MYO5B: variants seen among roughly 807,000 people sequenced by gnomAD.
The protein encoded by MYO5B is myosin VB.
In MYO5B, 143 loss-of-function variants were observed where a neutral mutation model predicts 229.3. The observed-to-expected ratio is 0.62, with a 90% CI of 0.54 to 0.72. The LOEUF (loss-of-function observed/expected upper bound fraction) is 0.72, where lower values mean the gene tolerates loss of function less well. Ranked by LOEUF, MYO5B falls within the 30% of genes least tolerant of loss-of-function variation. The pLI is 0.00. For missense variants in MYO5B, 2,321 were observed against 2,331.0 expected, an observed-to-expected ratio of 1.00 and a Z score of 0.09; for synonymous variants, 918 against 885.2, an observed-to-expected ratio of 1.04 and a Z score of -0.66.
In MYO5B at chr18:49,954,299, G is replaced by T; in HGVS notation, c.1668+14C>A. ...GGCCAAGGGAATACCCGAGCCAACA[G>T]AGAGGAGAGCCACCTTGTCTGCAAA... On this transcript the variant is annotated intron_variant, in intron 13 of 39. Transcript: ENST00000285039. 1.2e-6 allele frequency: 2 copies of T among 1,613,792 alleles called. No individual in the cohort carries two copies. The highest frequency in any genetic ancestry group is 1.7e-6 in the Non-Finnish European group (2 of 1,179,814).
chr18:49,844,255 G>A (rs772175990), intron 33 of MYO5B, among the ~76,000 whole-genome samples: 1 of 152,228 alleles, frequency 6.6e-6, no homozygotes, highest in Non-Finnish European at 1.5e-5. Context: ...AAGGCAACAG[G>A]TGGTGGTAGA....
At chr18:50,007,616 G>T (rs1325625517) in intron 4 of MYO5B, among the ~76,000 whole-genome samples, 1 of 152,174 alleles carries the variant, frequency 6.6e-6, no homozygotes, top group Non-Finnish European at 1.5e-5. Flanking sequence ...CTCTTCTACT[G>T]GATATGTTCA....
chr18:50,195,018 A>T lies in MYO5B; in HGVS notation c.-225T>A, dbSNP rs1382054749. 1 of 475,590 alleles carries T rather than the reference A, an allele frequency of 2.1e-6. No homozygotes were observed. The highest frequency in any genetic ancestry group is 3.2e-6 in the Non-Finnish European group (1 of 311,900). 29.5% of individuals were successfully genotyped at this position (475,590 alleles called of 1,614,324 possible). A position where few individuals can be genotyped will look rare whatever the true frequency, so the allele number is the denominator to read the frequency against. On this transcript the variant is annotated 5_prime_UTR_variant, in exon 1 of 40. Transcript: ENST00000285039. ...GGCGGCGCAGCTACGGCCGGACAGG[A>T]GTTGCGAGCGCCGGGGGAGGAGGCC...
At chr18:50,121,098 TC>T (rs2032051946) in intron 1 of MYO5B, among the ~76,000 whole-genome samples, 1 of 152,170 alleles carries the variant, frequency 6.6e-6, no homozygotes, top group East Asian at 1.9e-4. Context: ...TGTTTCTCAG[TC>T]CTCGAGGCCT....
Position 49,824,526 on chromosome 18 carries a change from T to A in MYO5B, c.*1945A>T, listed in dbSNP as rs1241430383. On this transcript the variant is annotated 3_prime_UTR_variant, in exon 40 of 40. Coordinates refer to ENST00000285039, the MANE Select transcript of MYO5B (RefSeq NM_001080467.3). ...ACAGTGTATAAGGATAGTAAGCCAC[T>A]GTGTTTGTGGAACCACTGCATGTCA... 1 of 152,440 alleles carries A rather than the reference T, an allele frequency of 6.6e-6. No homozygotes were observed. Among genetic ancestry groups the A allele is most frequent in the Non-Finnish European group, 1.5e-5 (1 of 68,060 alleles). 9.4% of individuals were successfully genotyped at this position (152,440 alleles called of 1,614,324 possible).
At chr18:50,124,040 T>A (rs1255684605) in intron 1 of MYO5B, among the ~76,000 whole-genome samples, 2 of 152,240 alleles carry the variant, frequency 1.3e-5, no homozygotes, top group South Asian at 4.1e-4. Context: ...ATTTCCACCA[T>A]GGGCACATTA....
rs186619298 is a variant in MYO5B, at chr18:49,972,883, G to A, written c.1322+1467C>T. ...ATGCCTCTTCTCACCTCCCACTCTC[G>A]GTGATTCTCCACTGTGTGCTCCTTA... On this transcript the variant is annotated intron_variant, in intron 10 of 39. Coordinates refer to ENST00000285039, the MANE Select transcript of MYO5B (RefSeq NM_001080467.3). Among the ~76,000 whole-genome samples, 23 of 152,060 alleles carry A rather than the reference G, an allele frequency of 1.5e-4. 1 individual carries two copies. Among genetic ancestry groups the A allele is most frequent in the South Asian group, 4.2e-4 (2 of 4,770 alleles).
In MYO5B at chr18:50,150,127, A is replaced by T. The variant is rs540194039; in HGVS notation, c.27+44640T>A. ...TCAGAGAAATGCAAATCAAAACCAC[A>T]ATGAGATACCATCTCACACCAGTTA... On this transcript the variant is annotated intron_variant, in intron 1 of 39. Coordinates refer to ENST00000285039, the MANE Select transcript of MYO5B (RefSeq NM_001080467.3). Among the ~76,000 whole-genome samples, 14 of 143,410 alleles carry T rather than the reference A, an allele frequency of 9.8e-5. No individual in the cohort carries two copies. In the East Asian group the frequency reaches 2.7e-3, roughly 28 times the overall value. The allele number at this position is 143,410 out of a possible 152,430, so 94.1% of individuals were successfully genotyped here.
chr18:50,188,006 C>G (rs1478765512), intron 1 of MYO5B, among the ~76,000 whole-genome samples: 1 of 152,144 alleles, frequency 6.6e-6, no homozygotes, highest in Non-Finnish European at 1.5e-5. Context: ...AGTAGTATTA[C>G]AGAAATGTTA....
intron 14 of MYO5B, among the ~76,000 whole-genome samples, chr18:49,941,765 C>G (rs7236428): frequency 0.57 from 82,191 of 144,580 alleles, 23,418 homozygotes; most frequent in Middle Eastern, 0.72. Context: ...AGGTAATTTA[C>G]AGATTCAATG....
At chr18:50,132,906 A>C (rs1367580798) in intron 1 of MYO5B, among the ~76,000 whole-genome samples, 1 of 152,250 alleles carries the variant, frequency 6.6e-6, no homozygotes, top group Non-Finnish European at 1.5e-5. Context: ...CTGGTTACAT[A>C]TACATCCATA....
intron 4 of MYO5B, among the ~76,000 whole-genome samples, chr18:50,007,777 G>A (rs1039345338): frequency 9.2e-5 from 14 of 152,114 alleles, no homozygotes; most frequent in African/African-American, 3.4e-4. Flanking sequence ...GATAACTGCT[G>A]TTTAATGTAA....
chr18:50,077,618 A>C (rs1307754281), intron 1 of MYO5B, among the ~76,000 whole-genome samples: 5 of 152,100 alleles, frequency 3.3e-5, no homozygotes, highest in African/African-American at 1.2e-4. Context: ...CATAATGCTT[A>C]ACTACATAGT....
chr18:49,982,945 G>A (rs2025832129), intron 8 of MYO5B, among the ~76,000 whole-genome samples: 1 of 152,156 alleles, frequency 6.6e-6, no homozygotes, highest in South Asian at 2.1e-4. Context: ...ATATCAGCTT[G>A]TGCCCACTGC....
intron 7 of MYO5B, among the ~76,000 whole-genome samples, chr18:49,987,620 G>A (rs1378089196): frequency 1.3e-5 from 2 of 152,240 alleles, no homozygotes; most frequent in African/African-American, 2.4e-5. Flanking sequence ...TTAGAGCACC[G>A]GACCACCAAG....
intron 18 of MYO5B, among the ~76,000 whole-genome samples, chr18:49,910,215 T>C (rs1473978971): frequency 1.3e-5 from 2 of 152,106 alleles, no homozygotes; most frequent in Non-Finnish European, 2.9e-5. Context: ...TGTGGTCCCA[T>C]TAACTGGAGG....
intron 1 of MYO5B, among the ~76,000 whole-genome samples, chr18:50,178,410 A>T (rs1000960843): frequency 7.2e-5 from 11 of 152,210 alleles, no homozygotes; most frequent in Non-Finnish European, 1.2e-4. Flanking sequence ...ATAACTACGT[A>T]AAAAAATTCT....
chr18:50,109,016 C>T (rs1185464311), intron 1 of MYO5B, among the ~76,000 whole-genome samples: 1 of 152,186 alleles, frequency 6.6e-6, no homozygotes, highest in Non-Finnish European at 1.5e-5. Context: ...GGTGATGATA[C>T]CAAGACTAGC....
In MYO5B at chr18:49,937,245, C is replaced by A; in HGVS notation, c.1905G>T (p.Gln635His). ...CCATAGCTTTTGGTCCGGGGCTGAC[C>A]TGGTGGCCAACGGTTTTCTTGTGCT... ...NKEHKKTVGH[Q>H]FRTSLHLLME... Residue 635 changes from glutamine (Q) to histidine (H), a missense_variant and splice_region_variant, in exon 15 of 40, where the codon CAG (glutamine) becomes CAT (histidine). Physicochemically the swap from Gln to His is conservative, Grantham distance 24. Coordinates refer to ENST00000285039, the MANE Select transcript of MYO5B (RefSeq NM_001080467.3). The A allele has an allele frequency of 1.2e-6, 2 of 1,614,072 alleles. No individual in the cohort carries two copies. Among genetic ancestry groups the A allele is most frequent in the Non-Finnish European group, 1.7e-6 (2 of 1,179,952 alleles).
Sources: allele counts gnomAD v4.1 joint callset (sites outside exome capture counted in the v4.1 genomes callset), GRCh38; gene constraint gnomAD v4.1.1; transcripts MANE v1.5; gene names NCBI Gene and HGNC (gene_info 2026-07-23, HGNC 2026-07-21).